WDR49: variants seen among roughly 807,000 people sequenced by gnomAD.
WDR49 encodes the protein cilia- and flagella-associated protein 337.
In WDR49, 107 loss-of-function variants were observed where a neutral mutation model predicts 119.5. The observed-to-expected ratio is 0.90, with a 90% confidence interval of 0.77 to 1.05. The LOEUF is 1.05. Ranked by LOEUF, WDR49 falls within the 50% of genes least tolerant of loss-of-function variation. The pLI, the probability that WDR49 is intolerant of heterozygous loss-of-function variation, is 0.00. For synonymous variants in WDR49, 425 were observed against 418.8 expected, an observed-to-expected ratio of 1.01 and a Z score of -0.18; for missense variants, 1,240 against 1,220.5, an observed-to-expected ratio of 1.02 and a Z score of -0.24.
At chr3:167,607,662 T>C (rs747518040) in intron 5 of WDR49, among the ~76,000 whole-genome samples, 6 of 152,134 alleles carry the variant, frequency 3.9e-5, no homozygotes, top group Non-Finnish European at 7.3e-5. Flanking sequence ...CCTCCGTCTT[T>C]TTTACTAAGC....
chr3:167,550,601 T>C (rs1044420297), intron 10 of WDR49, among the ~76,000 whole-genome samples: 6 of 152,002 alleles, frequency 3.9e-5, no homozygotes, highest in Non-Finnish European at 8.8e-5. Context: ...ATTAGTTTGA[T>C]TTAATCATTT....
At chr3:167,498,457 G>A (rs75786009) in intron 18 of WDR49, among the ~76,000 whole-genome samples, 5,786 of 152,140 alleles carry the variant, frequency 0.038, 182 homozygotes, top group Non-Finnish European at 0.058. Context: ...GGAGGGGGGA[G>A]GGTGAGAGGG....
intron 7 of WDR49, among the ~76,000 whole-genome samples, chr3:167,597,345 C>G (rs1715530559): frequency 6.6e-6 from 1 of 152,200 alleles, no homozygotes; most frequent in South Asian, 2.1e-4. Context: ...GAGCCTCTGC[C>G]TAGATTTCAG....
intron 8 of WDR49, among the ~76,000 whole-genome samples, chr3:167,568,242 C>T (rs896573894): frequency 2.0e-5 from 3 of 152,150 alleles, no homozygotes; most frequent in South Asian, 2.1e-4. Context: ...ATCTGCTCCT[C>T]CTGTTATTTT....
At chr3:167,545,512 T>C (rs910311539) in intron 10 of WDR49, among the ~76,000 whole-genome samples, 1 of 139,640 alleles carries the variant, frequency 7.2e-6, no homozygotes, top group African/African-American at 2.6e-5. Context: ...TTATATATTA[T>C]ATATATATAT....
At chr3:167,557,023 TCAAA>T (rs750291306) in intron 9 of WDR49, among the ~76,000 whole-genome samples, 2 of 151,716 alleles carry the variant, frequency 1.3e-5, no homozygotes, top group African/African-American at 2.4e-5. Flanking sequence ...AGACTCCATC[TCAAA>T]CAAACAAACA....
chr3:167,654,227 A>G (rs868478006), upstream of WDR49, among the ~76,000 whole-genome samples: 1 of 152,184 alleles, frequency 6.6e-6, no homozygotes, highest in Non-Finnish European at 1.5e-5. Context: ...AGAGAAAAGC[A>G]TGAAATTCTG....
In WDR49 at chr3:167,503,691, A is replaced by T. The variant is rs955624084; in HGVS notation, c.2884+1616T>A. ...TGCCAGATCCAGAGGGATGGAAGTC[A>T]GCGGTGGGTCTGTGAAGGTGGCCAG... On this transcript the variant is annotated intron_variant, in intron 17 of 18. Transcript: ENST00000682715. 2.0e-5 allele frequency among the ~76,000 whole-genome samples: 3 copies of T among 152,326 alleles called. No homozygotes were observed. In the East Asian group the frequency reaches 5.8e-4, roughly 29 times the overall value.
chr3:167,657,661 C>A (rs1718636904), upstream of WDR49, among the ~76,000 whole-genome samples: 1 of 152,048 alleles, frequency 6.6e-6, no homozygotes. Flanking sequence ...TGCCTAAATT[C>A]TCCCTCCACC....
chr3:167,650,486 A>C (rs965868208), intron 2 of WDR49, among the ~76,000 whole-genome samples: 2 of 152,212 alleles, frequency 1.3e-5, no homozygotes, highest in Non-Finnish European at 2.9e-5. Context: ...CTACCCAGGT[A>C]ACTTATTTGT....
chr3:167,560,873 G>A (rs1465756592), intron 8 of WDR49, among the ~76,000 whole-genome samples: 3 of 151,682 alleles, frequency 2.0e-5, no homozygotes, highest in South Asian at 2.1e-4. Context: ...GAAGGGAAAG[G>A]ATTATACACA....
At chr3:167,482,805 A>G (rs1209737301) in intron 18 of WDR49, among the ~76,000 whole-genome samples, 1 of 152,196 alleles carries the variant, frequency 6.6e-6, no homozygotes. Context: ...AAGGCTGACA[A>G]AAATAGAAGG....
intron 7 of WDR49, 94 bp from the exon 8 acceptor site, chr3:167,576,245 G>A: frequency 9.9e-7 from 1 of 1,011,270 alleles, no homozygotes; most frequent in Non-Finnish European, 1.5e-6. Context: ...ATACCAGGCA[G>A]ACAGTTGTTT....
At chr3:167,626,078 T>C (rs1006139888) in intron 3 of WDR49, among the ~76,000 whole-genome samples, 18 of 152,058 alleles carry the variant, frequency 1.2e-4, no homozygotes, top group African/African-American at 4.8e-5. Flanking sequence ...TATTTCATGA[T>C]ATTAAGAAAA....
intron 8 of WDR49, among the ~76,000 whole-genome samples, chr3:167,560,798 AAG>A (rs1713222333): frequency 6.6e-6 from 1 of 151,992 alleles, no homozygotes; most frequent in Non-Finnish European, 1.5e-5. Context: ...AAAAAAAAAA[AAG>A]AGCACAGGTT....
chr3:167,595,858 G>A (rs1203333919), intron 7 of WDR49, among the ~76,000 whole-genome samples: 5 of 151,250 alleles, frequency 3.3e-5, no homozygotes, highest in East Asian at 1.9e-4. Flanking sequence ...CAAAAGCCAA[G>A]ATTGACAAAT....
intron 9 of WDR49, among the ~76,000 whole-genome samples, chr3:167,556,326 A>G (rs1712925782): frequency 6.6e-6 from 1 of 152,200 alleles, no homozygotes; most frequent in Non-Finnish European, 1.5e-5. Context: ...AGGATTAAAC[A>G]GCTGATACAG....
chr3:167,496,077 T>C (rs1374640316), intron 18 of WDR49, among the ~76,000 whole-genome samples: 1 of 151,994 alleles, frequency 6.6e-6, no homozygotes, highest in Non-Finnish European at 1.5e-5. Context: ...AGGAAAATGG[T>C]CTCAGATGAA....
chr3:167,547,896 T>G (rs539673400), intron 10 of WDR49, among the ~76,000 whole-genome samples: 13 of 152,128 alleles, frequency 8.5e-5, no homozygotes, highest in African/African-American at 2.9e-4. Flanking sequence ...GCTTTAACAT[T>G]TGAAGAAAAT....
Sources: gnomAD v4.1 joint callset for allele counts (sites outside exome capture counted in the v4.1 genomes callset) on GRCh38, gnomAD v4.1.1 for gene constraint, MANE v1.5 for transcripts, NCBI Gene and HGNC (gene_info 2026-07-23, HGNC 2026-07-21) for gene names.